Variants in DYNC1H1 observed in about 807,000 individuals in gnomAD.
DYNC1H1 encodes cytoplasmic dynein 1 heavy chain 1.
A neutral mutation model predicts 527.1 loss-of-function variants in DYNC1H1; 51 were observed. The observed-to-expected ratio is 0.10, with a 90% CI of 0.08 to 0.12. The LOEUF is 0.12. Ranked by LOEUF, DYNC1H1 falls within the 10% of genes least tolerant of loss-of-function variation. The pLI, the probability that DYNC1H1 is intolerant of heterozygous loss-of-function variation, is 1.00. For synonymous variants in DYNC1H1, 2,189 were observed against 2,278.8 expected, an observed-to-expected ratio of 0.96 and a Z score of 1.12; for missense variants, 2,771 against 5,971.8, an observed-to-expected ratio of 0.46 and a Z score of 17.66.
chr14:101,995,248 C>T lies in DYNC1H1; in HGVS notation c.3512C>T (p.Thr1171Ile). Residue 1171 changes from threonine (T) to isoleucine (I), a missense_variant, in exon 15 of 78, where the codon ACC becomes ATC. Physicochemically the swap from Thr to Ile is moderately conservative, Grantham distance 89. Around this residue, in one of 32 missense-constraint regions of DYNC1H1, gnomAD observed 223 missense variants for 462.5 expected, o/e 0.48. Transcript: ENST00000360184. ...ASTSDAVTFI[T>I]YVQSLKRKIK... Reference sequence around the variant, plus strand: ...ACCTCCGATGCAGTGACCTTCATCACCTATGTGCAGTCTTTGAAACGGAAG... The same window carrying T: ...ACCTCCGATGCAGTGACCTTCATCATCTATGTGCAGTCTTTGAAACGGAAG... 1 of 1,614,204 alleles carries T rather than the reference C, an allele frequency of 6.2e-7. No individual in the cohort carries two copies. Among genetic ancestry groups the T allele is most frequent in the East Asian group, 2.2e-5 (1 of 44,890 alleles).
chr14:101,994,965 T>C (rs754683635), intron 13 of DYNC1H1, 21 bp from the exon 14 acceptor site: 61 of 1,613,522 alleles, frequency 3.8e-5, no homozygotes, highest in African/African-American at 9.3e-5. Flanking sequence ...GATGATGTGT[T>C]GTGTGCTATT....
Position 101,997,385 on chromosome 14 carries a change from G to A in DYNC1H1, c.3804+111G>A. 6.4e-7 allele frequency: 1 copy of A among 1,553,098 alleles called. No homozygotes were observed. On this transcript the variant is annotated intron_variant, in intron 16 of 77. Coordinates refer to ENST00000360184, the MANE Select transcript of DYNC1H1 (RefSeq NM_001376.5). This position sits in a 1 kb window ranked among gnomAD's most constrained non-coding sequence, Gnocchi z 4.8. ...TGTGACTGAGCTTTCTAGTATTGAA[G>A]ACTCTTTTCCTTTTTGTAGTTAAAA... is the stretch of plus-strand genomic sequence containing the variant.
At chr14:101,996,668 C>G (rs981846321) in intron 15 of DYNC1H1, among the ~76,000 whole-genome samples, 5 of 151,868 alleles carry the variant, frequency 3.3e-5, no homozygotes, top group Non-Finnish European at 5.9e-5. Flanking sequence ...GTCACCCAGG[C>G]TGGAGTGCAG....
At chr14:101,968,407 T>G (rs1053188604) in intron 1 of DYNC1H1, among the ~76,000 whole-genome samples, 14 of 151,984 alleles carry the variant, frequency 9.2e-5, no homozygotes, top group Admixed American at 5.2e-4. Context: ...CATTTTCTCA[T>G]TTTTTTAATA....
At position 102,001,412 on chromosome 14, in the gene DYNC1H1, T is replaced by G. The variant is rs2048129398; in HGVS notation, c.4395+58T>G. 3.1e-6 allele frequency: 5 copies of G among 1,611,008 alleles called. No individual in the cohort carries two copies. Among genetic ancestry groups the G allele is most frequent in the Non-Finnish European group, 4.2e-6 (5 of 1,177,310 alleles). ...TGTGTTTCGGGCTGTTACATAGATC[T>G]GAGCTATGTAAAAATGGAGCCTTGT... On this transcript the variant is annotated intron_variant, in intron 20 of 77. Transcript: ENST00000360184. This position sits in a 1 kb window ranked among gnomAD's most constrained non-coding sequence, Gnocchi z 5.0.
chr14:102,038,745 C>T lies in DYNC1H1; in HGVS notation c.11103C>T (p.Phe3701=). The change falls in exon 59 of 78, where the codon TTC becomes TTT. Residue 3701 remains phenylalanine, a synonymous_variant. Coordinates refer to ENST00000360184, the MANE Select transcript of DYNC1H1 (RefSeq NM_001376.5). The surrounding 1 kb of genome is among the most constrained non-coding windows in gnomAD (Gnocchi z 7.2). ...GTTCCCGGGTTACTTTTGTAAACTT[C>T]ACAGTTACCCGTAGCAGTTTACAAA... ...DLCSRVTFVN[F]TVTRSSLQSQ... is the part of the protein sequence containing the mutation. The T allele has an allele frequency of 6.2e-7, 1 of 1,614,202 alleles. No homozygotes were observed. The highest frequency in any genetic ancestry group is 8.5e-7 in the Non-Finnish European group (1 of 1,180,040).
chr14:101,988,653 G>A (rs1446306773), intron 9 of DYNC1H1, 50 bp from the exon 10 acceptor site: 1 of 1,613,066 alleles, frequency 6.2e-7, no homozygotes, highest in Non-Finnish European at 8.5e-7. Flanking sequence ...CTTGCTTTGT[G>A]AGCTAACTTT....
In DYNC1H1 at chr14:102,005,164, C is replaced by T; in HGVS notation, c.5361C>T (p.Val1787=). 1 of 1,614,206 alleles carries T rather than the reference C, an allele frequency of 6.2e-7. No homozygotes were observed. The highest frequency in any genetic ancestry group is 8.5e-7 in the Non-Finnish European group (1 of 1,180,050). The change falls in exon 26 of 78, where the codon GTC becomes GTT. Residue 1787 remains valine, a synonymous_variant. Transcript: ENST00000360184. The surrounding 1 kb of genome is among the most constrained non-coding windows in gnomAD (Gnocchi z 4.0). The part of the protein sequence containing the change: ...PLHSVLSNVE[V]TLNVLADSVL... ...ACTCTGTGCTGAGCAATGTGGAGGT[C>T]ACCCTCAATGTGTTAGCAGACTCTG...
At chr14:102,043,779 A>G in intron 69 of DYNC1H1, 96 bp from the exon 70 acceptor site, 1 of 1,557,726 alleles carries the variant, frequency 6.4e-7, no homozygotes. Context: ...GGATGTGGAG[A>G]GCTCTTTGTA....
Position 102,005,320 on chromosome 14 carries a change from A to C in DYNC1H1, c.5433+84A>C. The C allele has an allele frequency of 6.3e-7, 1 of 1,577,594 alleles. No homozygotes were observed. The highest frequency in any genetic ancestry group is 8.7e-7 in the Non-Finnish European group (1 of 1,151,878). ...AGTTAAATGGAAATCATGCTTGAAA[A>C]AGGTTTCAGGTAGTATCAAGGAGAA... On this transcript the variant is annotated intron_variant, in intron 26 of 77. Coordinates refer to ENST00000360184, the MANE Select transcript of DYNC1H1 (RefSeq NM_001376.5). The surrounding 1 kb of genome is among the most constrained non-coding windows in gnomAD (Gnocchi z 4.0).
Position 102,005,837 on chromosome 14 carries a change from A to G in DYNC1H1, c.5434-51A>G. ...AACAGTCCACAAACCCGGAGAATGCACTGTATTGCTTTAGTGTAGATGAAC... is the reference window on the plus strand; with the variant it reads ...AACAGTCCACAAACCCGGAGAATGCGCTGTATTGCTTTAGTGTAGATGAAC... On this transcript the variant is annotated intron_variant, in intron 26 of 77. Transcript: ENST00000360184. This position sits in a 1 kb window ranked among gnomAD's most constrained non-coding sequence, Gnocchi z 4.0. The G allele has an allele frequency of 6.2e-7, 1 of 1,609,876 alleles. No homozygotes were observed. Among genetic ancestry groups the G allele is most frequent in the Non-Finnish European group, 8.5e-7 (1 of 1,176,552 alleles).
intron 10 of DYNC1H1, among the ~76,000 whole-genome samples, chr14:101,990,805 TAG>T (rs1460788801): frequency 6.6e-6 from 1 of 151,870 alleles, no homozygotes; most frequent in Non-Finnish European, 1.5e-5. Context: ...GGTCAAGAGA[TAG>T]AGACCATCCT....
Position 102,011,818 on chromosome 14 carries a change from A to G in DYNC1H1, c.6619-57A>G. The stretch of plus-strand genomic sequence containing the variant: ...TTTCACAAGAGGTGGCTGGGCGAGG[A>G]GCTGTCCCCATTCCTCCTCTGGGAT... On this transcript the variant is annotated intron_variant, in intron 32 of 77. Coordinates refer to ENST00000360184, the MANE Select transcript of DYNC1H1 (RefSeq NM_001376.5). The surrounding 1 kb of genome is among the most constrained non-coding windows in gnomAD (Gnocchi z 5.3). The G allele has an allele frequency of 6.4e-7, 1 of 1,568,164 alleles. No homozygotes were observed. The highest frequency in any genetic ancestry group is 1.1e-5 in the South Asian group (1 of 90,078).
At chr14:102,007,498 G>A (rs2048210167) in intron 28 of DYNC1H1, among the ~76,000 whole-genome samples, 1 of 152,154 alleles carries the variant, frequency 6.6e-6, no homozygotes, top group African/African-American at 2.4e-5. Context: ...AAGGAAAGAA[G>A]GTGTTATACT....
At chr14:101,999,869 G>A in intron 16 of DYNC1H1, 120 bp from the exon 17 acceptor site, 1 of 1,359,080 alleles carries the variant, frequency 7.4e-7, no homozygotes, top group Admixed American at 1.9e-5. Flanking sequence ...TTATGAAGAT[G>A]TGTGCAAAGA....
rs1011213868 is a variant in DYNC1H1, at chr14:102,056,271, T to A, written c.*5708T>A. The A allele has an allele frequency of 6.6e-6, 1 of 152,232 alleles. No homozygotes were observed. The highest frequency in any genetic ancestry group is 1.5e-5 in the Non-Finnish European group (1 of 68,062). 9.4% of individuals were successfully genotyped at this position (152,232 alleles called of 1,614,324 possible). On this transcript the variant is annotated 3_prime_UTR_variant, in exon 78 of 78. Transcript: ENST00000360184. ...CTGTTTCACTCTGACTACCAGTGCA[T>A]GAAACCCCTGTCACGTATCCCCCAG...
rs1480608993 is a variant in DYNC1H1, at chr14:102,055,085, C to T, written c.*4522C>T. On this transcript the variant is annotated 3_prime_UTR_variant, in exon 78 of 78. Coordinates refer to ENST00000360184, the MANE Select transcript of DYNC1H1 (RefSeq NM_001376.5). ...CCTTCTGGACTTTTCTTTCCTAGCC[C>T]AGGTCAAAGTGGGCCTTCGGGAGGA... 2 of 152,182 alleles carry T rather than the reference C, an allele frequency of 1.3e-5. No individual in the cohort carries two copies. The highest frequency in any genetic ancestry group is 6.6e-5 in the Admixed American group (1 of 15,266). The allele number at this position is 152,182 out of a possible 1,614,324, so 9.4% of individuals were successfully genotyped here.
Position 102,012,668 on chromosome 14 carries a change from A to G in DYNC1H1, c.7014+198A>G. 2 of 677,790 alleles carry G rather than the reference A, an allele frequency of 3.0e-6. No homozygotes were observed. The highest frequency in any genetic ancestry group is 5.5e-5 in the East Asian group (2 of 36,600). The allele number at this position is 677,790 out of a possible 1,614,324, so 42.0% of individuals were successfully genotyped here. A position where few individuals can be genotyped will look rare whatever the true frequency, so the allele number is the denominator to read the frequency against. ...CATGGCTAGTGAGAAACATTTTAAT[A>G]GGTTTTATTGATGGCTTTCTATCAT... On this transcript the variant is annotated intron_variant, in intron 34 of 77. Coordinates refer to ENST00000360184, the MANE Select transcript of DYNC1H1 (RefSeq NM_001376.5). The surrounding 1 kb of genome is among the most constrained non-coding windows in gnomAD (Gnocchi z 4.9).
chr14:101,998,203 T>C (rs1487736534), intron 16 of DYNC1H1, among the ~76,000 whole-genome samples: 4 of 151,136 alleles, frequency 2.6e-5, no homozygotes, highest in Non-Finnish European at 5.9e-5. Context: ...CACAAACGCC[T>C]GGACCCCTCT....
Sources: allele counts gnomAD v4.1 joint callset (sites outside exome capture counted in the v4.1 genomes callset), GRCh38; gene constraint gnomAD v4.1.1; regional missense constraint gnomAD v4.1.1; non-coding constraint Gnocchi (gnomAD v3.1); transcripts MANE v1.5; gene names NCBI Gene and HGNC (gene_info 2026-07-23, HGNC 2026-07-21).